The following DPP6 variants were observed in gnomAD, a reference collection of about 807,000 sequenced individuals.
DPP6 encodes the protein A-type potassium channel modulatory protein DPP6.
A neutral mutation model predicts 122.6 loss-of-function variants in DPP6; 69 were observed. The observed-to-expected ratio is 0.56, with a 90% CI of 0.46 to 0.69. The LOEUF is 0.69. Among genes scored for constraint, DPP6 ranks in the 30% least tolerant of loss-of-function variants. The pLI is 0.00. For synonymous variants in DPP6, 418 were observed against 433.1 expected (o/e 0.97, Z 0.43); for missense variants, 928 against 1,116.9 (o/e 0.83, Z 2.41).
chr7:153,941,729 G>C (rs1801706133), intron 1 of DPP6, among the ~76,000 whole-genome samples: 1 of 152,226 alleles, frequency 6.6e-6, no homozygotes, highest in African/African-American at 2.4e-5. Context: ...AGCTGAAGGT[G>C]TATCAGGTAC....
intron 1 of DPP6, among the ~76,000 whole-genome samples, chr7:154,285,737 A>G (rs1290082199): frequency 6.6e-6 from 1 of 152,250 alleles, no homozygotes; most frequent in Non-Finnish European, 1.5e-5. Context: ...AGGTATTGAT[A>G]TCACAATGCA....
rs146720108 is a variant in DPP6, at chr7:154,525,709, AT to A, written c.458-14817del. Among the ~76,000 whole-genome samples, 725 of 151,408 alleles carry A rather than the reference AT, an allele frequency of 4.8e-3. 4 individuals carry two copies. The highest frequency in any genetic ancestry group is 0.017 in the African/African-American group (682 of 41,230). ...GCAGAGCATCCCGTACATTGTAAAT[AT>A]TTTTTAATGCATAAAATGTCTATTG... On this transcript the variant is annotated intron_variant, in intron 3 of 25. Coordinates refer to ENST00000377770, the MANE Select transcript of DPP6 (RefSeq NM_130797.4).
At chr7:153,833,535 T>C in the DPP6 span, among the ~76,000 whole-genome samples, 1 of 151,962 alleles carries the variant, frequency 6.6e-6, no homozygotes, top group Non-Finnish European at 1.5e-5. Context: ...TTAGCCAGCG[T>C]GGTGGCGTGC....
At chr7:153,953,048 A>AT (rs1802294945) in intron 1 of DPP6, among the ~76,000 whole-genome samples, 1 of 152,234 alleles carries the variant, frequency 6.6e-6, no homozygotes, top group African/African-American at 2.4e-5. Context: ...AGGGAGATAA[A>AT]TACCCATGTT....
chr7:154,628,206 T>G (rs929055700), intron 5 of DPP6, among the ~76,000 whole-genome samples: 1 of 152,200 alleles, frequency 6.6e-6, no homozygotes, highest in Non-Finnish European at 1.5e-5. Context: ...TTTTCAGTGT[T>G]GAAGTATTTC....
chr7:154,633,129 GC>G (rs1274894178), intron 5 of DPP6, among the ~76,000 whole-genome samples: 1 of 152,068 alleles, frequency 6.6e-6, no homozygotes, highest in African/African-American at 2.4e-5. Context: ...CTAAAAAATG[GC>G]ACTCTTAGAA....
chr7:154,328,536 T>C lies in DPP6; in HGVS notation c.244-117678T>C, dbSNP rs79689407. 3.0e-4 allele frequency among the ~76,000 whole-genome samples: 45 copies of C among 152,316 alleles called. No individual in the cohort carries two copies. In the East Asian group the frequency reaches 8.5e-3, roughly 29 times the overall value. ...TAGATGTGGGTCTGAAAATAATCTT[T>C]ACTGGCTTGCCTGGTGTTGTCTAAA... On this transcript the variant is annotated intron_variant, in intron 1 of 25. Transcript: ENST00000377770.
intron 8 of DPP6, among the ~76,000 whole-genome samples, chr7:154,743,424 A>G (rs927380067): frequency 1.3e-5 from 2 of 152,208 alleles, no homozygotes; most frequent in African/African-American, 2.4e-5. Context: ...AGTTTTGTGC[A>G]CTGCGATTTT....
At chr7:154,468,229 A>G (rs1821959055) in intron 2 of DPP6, among the ~76,000 whole-genome samples, 1 of 152,226 alleles carries the variant, frequency 6.6e-6, no homozygotes, top group African/African-American at 2.4e-5. Context: ...ATATTGTATG[A>G]TTCCATCTAC....
chr7:154,149,951 C>T (rs1386039972), intron 1 of DPP6, among the ~76,000 whole-genome samples: 3 of 152,010 alleles, frequency 2.0e-5, no homozygotes, highest in Admixed American at 6.6e-5. Flanking sequence ...TGGGAGAAGG[C>T]GGCTCTTTTT....
chr7:154,770,571 A>C (rs1220831443), intron 9 of DPP6, among the ~76,000 whole-genome samples: 1 of 152,206 alleles, frequency 6.6e-6, no homozygotes, highest in Non-Finnish European at 1.5e-5. Context: ...CCAGATACTG[A>C]ATCAGCCAGC....
chr7:154,577,602 G>A (rs985426556), intron 5 of DPP6, among the ~76,000 whole-genome samples: 1 of 152,214 alleles, frequency 6.6e-6, no homozygotes, highest in Non-Finnish European at 1.5e-5. Flanking sequence ...CCATGAACCA[G>A]TGACATGCCT....
intron 1 of DPP6, among the ~76,000 whole-genome samples, chr7:154,371,378 CAAAAAA>C (rs1167770083): frequency 4.0e-4 from 19 of 47,708 alleles, no homozygotes; most frequent in Admixed American, 9.9e-4. Flanking sequence ...AACTCTGTCT[CAAAAAA>C]AAAAAAAAAA....
At chr7:154,701,811 G>A (rs1052864576) in intron 7 of DPP6, among the ~76,000 whole-genome samples, 4 of 152,192 alleles carry the variant, frequency 2.6e-5, no homozygotes, top group Non-Finnish European at 2.9e-5. Context: ...CCAGAAACAA[G>A]CATGCTGATA....
chr7:154,604,654 T>C (rs1833527782), intron 5 of DPP6, among the ~76,000 whole-genome samples: 1 of 121,048 alleles, frequency 8.3e-6, no homozygotes, highest in Non-Finnish European at 1.9e-5. Flanking sequence ...AATTTTAAAA[T>C]AGGGTAAATT....
At chr7:154,363,115 TC>T (rs1811873390) in intron 1 of DPP6, among the ~76,000 whole-genome samples, 1 of 152,172 alleles carries the variant, frequency 6.6e-6, no homozygotes, top group Non-Finnish European at 1.5e-5. Flanking sequence ...TCCAAAGCTC[TC>T]CCAGTGGCTA....
intron 1 of DPP6, among the ~76,000 whole-genome samples, chr7:154,194,997 G>A (rs969062485): frequency 6.6e-6 from 1 of 151,934 alleles, no homozygotes; most frequent in African/African-American, 2.4e-5. Flanking sequence ...TTTTGATGAC[G>A]TCCAGTTTGC....
At chr7:154,273,316 G>A (rs923327623) in intron 1 of DPP6, among the ~76,000 whole-genome samples, 2 of 152,148 alleles carry the variant, frequency 1.3e-5, no homozygotes, top group Non-Finnish European at 2.9e-5. Flanking sequence ...GCTTCAGATG[G>A]AGGATCAGGA....
At chr7:153,756,314 T>A in the DPP6 span, among the ~76,000 whole-genome samples, 127 of 151,562 alleles carry the variant, frequency 8.4e-4, no homozygotes, top group Non-Finnish European at 1.4e-3. Flanking sequence ...GGATCTAACT[T>A]TAGAGGTAAT....
Sources: allele counts gnomAD v4.1 joint callset (sites outside exome capture counted in the v4.1 genomes callset), GRCh38; gene constraint gnomAD v4.1.1; transcripts MANE v1.5; gene names NCBI Gene and HGNC (gene_info 2026-07-23, HGNC 2026-07-21).